The following GRIK1 variants were observed in gnomAD, a reference collection of about 807,000 sequenced individuals.
GRIK1 encodes glutamate receptor ionotropic, kainate 1.
GRIK1 carries 69 observed loss-of-function variants against 105.7 expected under a neutral mutation model. The observed-to-expected ratio is 0.65, with a 90% CI of 0.54 to 0.80. The LOEUF (loss-of-function observed/expected upper bound fraction) is 0.80, where lower values mean the gene tolerates loss of function less well. Among genes scored for constraint, GRIK1 ranks in the 30% least tolerant of loss-of-function variants. The pLI is 0.00. For synonymous variants in GRIK1, 438 were observed against 431.3 expected (o/e 1.02, Z -0.19); for missense variants, 1,109 against 1,167.3 (o/e 0.95, Z 0.73).
At chr21:29,879,432 A>G (rs986597905) in intron 1 of GRIK1, among the ~76,000 whole-genome samples, 2 of 152,092 alleles carry the variant, frequency 1.3e-5, no homozygotes, top group African/African-American at 4.8e-5. Context: ...CTGGCTACCA[A>G]ATTGTTCAGG....
At chr21:29,716,347 G>T (rs1392801633) in intron 1 of GRIK1, among the ~76,000 whole-genome samples, 1 of 152,188 alleles carries the variant, frequency 6.6e-6, no homozygotes, top group South Asian at 2.1e-4. Context: ...TGGATAACAG[G>T]CAGAGAATGG....
At chr21:29,729,506 C>A (rs1028483992) in intron 1 of GRIK1, among the ~76,000 whole-genome samples, 9 of 152,184 alleles carry the variant, frequency 5.9e-5, no homozygotes, top group African/African-American at 2.2e-4. Flanking sequence ...CACCTACAGG[C>A]ACCTCTTCAG....
In GRIK1 at chr21:29,689,782, G is replaced by C; in HGVS notation, c.490C>G (p.Leu164Val). The C allele has an allele frequency of 6.2e-7, 1 of 1,613,818 alleles. No individual in the cohort carries two copies. The highest frequency in any genetic ancestry group is 1.1e-5 in the South Asian group (1 of 91,052). Residue 164 changes from leucine (L) to valine (V), a missense_variant, in exon 3 of 18, where the codon CTG (leucine) becomes GTG (valine). Transcript: ENST00000327783. The part of the protein sequence containing the change: ...YAAISRAILD[L>V]VLYYNWKTVT... ...GTTTTCCAGTTGTAATAGAGGACCA[G>C]ATCCAGGATCGCCCTGCTGATAGCT...
At chr21:29,575,482 G>C (rs2090868468) in intron 14 of GRIK1, among the ~76,000 whole-genome samples, 1 of 151,544 alleles carries the variant, frequency 6.6e-6, no homozygotes, top group African/African-American at 2.4e-5. Context: ...AATGAAAGAA[G>C]AAAAAGAGTT....
At chr21:29,677,875 A>G (rs2063301861) in intron 3 of GRIK1, among the ~76,000 whole-genome samples, 1 of 152,240 alleles carries the variant, frequency 6.6e-6, no homozygotes. Context: ...CTTTTGATGC[A>G]TGAGTCCCCT....
intron 15 of GRIK1, among the ~76,000 whole-genome samples, chr21:29,556,733 G>A (rs1027706276): frequency 6.6e-6 from 1 of 152,104 alleles, no homozygotes; most frequent in African/African-American, 2.4e-5. Context: ...CAAGTCACTA[G>A]GAATGATGGA....
chr21:29,654,238 C>T (rs537162995), intron 5 of GRIK1, among the ~76,000 whole-genome samples: 2 of 152,162 alleles, frequency 1.3e-5, no homozygotes, highest in Non-Finnish European at 2.9e-5. Flanking sequence ...TCTCCATGAT[C>T]AGATAGTCTC....
intron 1 of GRIK1, among the ~76,000 whole-genome samples, chr21:29,908,666 T>C (rs1308948087): frequency 6.6e-6 from 1 of 152,220 alleles, no homozygotes; most frequent in Non-Finnish European, 1.5e-5. Context: ...TGATTCATTG[T>C]AATATAAAAT....
At chr21:29,810,038 C>T (rs528031732) in intron 1 of GRIK1, among the ~76,000 whole-genome samples, 29 of 152,222 alleles carry the variant, frequency 1.9e-4, no homozygotes, top group Non-Finnish European at 3.2e-4. Context: ...TGGGTCATGC[C>T]TGTAATCCCA....
intron 1 of GRIK1, among the ~76,000 whole-genome samples, chr21:29,796,395 G>T (rs1182690505): frequency 6.6e-6 from 1 of 151,836 alleles, no homozygotes; most frequent in Non-Finnish European, 1.5e-5. Flanking sequence ...ACTGATACAG[G>T]TCAAGTTTAT....
chr21:29,671,291 T>A (rs993692016), intron 4 of GRIK1, among the ~76,000 whole-genome samples: 3 of 151,754 alleles, frequency 2.0e-5, no homozygotes, highest in Non-Finnish European at 2.9e-5. Context: ...CCTGGCTAAT[T>A]TTTTTGTATT....
chr21:29,764,538 A>G, intron 1 of GRIK1, among the ~76,000 whole-genome samples: 1 of 152,228 alleles, frequency 6.6e-6, no homozygotes, highest in East Asian at 1.9e-4. Flanking sequence ...ATGTCATTCA[A>G]AGGAAACACC....
intron 4 of GRIK1, among the ~76,000 whole-genome samples, chr21:29,661,002 G>A (rs1240965695): frequency 1.3e-5 from 2 of 152,058 alleles, no homozygotes; most frequent in African/African-American, 4.8e-5. Flanking sequence ...TTTGCTAACT[G>A]TAATATTTTA....
rs976782120 is a variant in GRIK1 at position 29,565,502 on chromosome 21, G to A, written c.2131-3653C>T. The stretch of plus-strand genomic sequence containing the variant: ...GGTTAGAGTGCAATGGCACGATCTC[G>A]GCTCACTACAACCTCTGACTCGTGG... On this transcript the variant is annotated intron_variant, in intron 14 of 17. Transcript: ENST00000327783. Among the ~76,000 whole-genome samples the A allele has an allele frequency of 1.1e-4, 17 of 152,144 alleles. 1 individual carries two copies. Among genetic ancestry groups the A allele is most frequent in the South Asian group, 6.2e-4 (3 of 4,830 alleles).
chr21:29,665,132 G>A (rs971699290), intron 4 of GRIK1, among the ~76,000 whole-genome samples: 1 of 152,150 alleles, frequency 6.6e-6, no homozygotes, highest in Non-Finnish European at 1.5e-5. Context: ...AATTCAGGTT[G>A]AAGCAAATCT....
At chr21:29,934,918 T>C (rs759503439) in intron 1 of GRIK1, among the ~76,000 whole-genome samples, 5 of 151,858 alleles carry the variant, frequency 3.3e-5, no homozygotes, top group Non-Finnish European at 7.4e-5. Context: ...AACATGTTAA[T>C]ATTAGTCAGG....
At chr21:29,799,334 G>A (rs889481778) in intron 1 of GRIK1, among the ~76,000 whole-genome samples, 3 of 152,054 alleles carry the variant, frequency 2.0e-5, no homozygotes, top group East Asian at 1.9e-4. Flanking sequence ...TGCTATTCAC[G>A]GAATGTCTCA....
At position 29,694,116 on chromosome 21, in the gene GRIK1, A is replaced by C. The variant is rs904579986; in HGVS notation, c.119-53T>G. 9.7e-4 allele frequency: 612 copies of C among 632,258 alleles called. 5 individuals carry two copies. In the African/African-American group the frequency reaches 0.013, roughly 13 times the overall value. 39.2% of individuals were successfully genotyped at this position (632,258 alleles called of 1,614,324 possible). ...AGCGTTAGTCACATGGTTCACATGT[A>C]ATTTTTTTTTTTTTTTTTTTTTTTT... is the stretch of plus-strand genomic sequence containing the variant. On this transcript the variant is annotated intron_variant, in intron 1 of 17. Coordinates refer to ENST00000327783, the MANE Select transcript of GRIK1 (RefSeq NM_001330994.2).
intron 7 of GRIK1, among the ~76,000 whole-genome samples, chr21:29,625,423 C>T (rs558536278): frequency 6.6e-6 from 1 of 152,214 alleles, no homozygotes; most frequent in Non-Finnish European, 1.5e-5. Flanking sequence ...ATTATCTGGC[C>T]TCTGCTGATA....
Sources: gnomAD v4.1 joint callset for allele counts (sites outside exome capture counted in the v4.1 genomes callset) on GRCh38, gnomAD v4.1.1 for gene constraint, MANE v1.5 for transcripts, NCBI Gene and HGNC (gene_info 2026-07-23, HGNC 2026-07-21) for gene names.